FBXO25: variants seen among roughly 807,000 people sequenced by gnomAD.
FBXO25 encodes F-box only protein 25.
In FBXO25, 45 loss-of-function variants were observed where a neutral mutation model predicts 51.9. The observed-to-expected ratio is 0.87, with a 90% CI of 0.68 to 1.11. The LOEUF (loss-of-function observed/expected upper bound fraction) is 1.11, where lower values mean the gene tolerates loss of function less well. FBXO25 is among the 50% of genes most tolerant of loss of function. The pLI, the probability that FBXO25 is intolerant of heterozygous loss-of-function variation, is 0.00. For synonymous variants in FBXO25, 199 were observed against 151.0 expected, an observed-to-expected ratio of 1.32 and a Z score of -2.33; for missense variants, 507 against 428.5, an observed-to-expected ratio of 1.18 and a Z score of -1.62.
At chr8:446,494 C>T (rs932122519) in intron 5 of FBXO25, among the ~76,000 whole-genome samples, 1 of 152,164 alleles carries the variant, frequency 6.6e-6, no homozygotes, top group African/African-American at 2.4e-5. Context: ...TTGTGTGAAT[C>T]TGAATCGCAT....
chr8:408,389 A>G (rs1467634207), intron 1 of FBXO25, among the ~76,000 whole-genome samples: 3 of 152,148 alleles, frequency 2.0e-5, no homozygotes, highest in Non-Finnish European at 4.4e-5. Flanking sequence ...GTTTTCAGGA[A>G]CTGCTATTAT....
intron 2 of FBXO25, among the ~76,000 whole-genome samples, chr8:415,370 C>T (rs2117444563): frequency 6.6e-6 from 1 of 152,278 alleles, no homozygotes; most frequent in East Asian, 1.9e-4. Flanking sequence ...TGGGGGCAGC[C>T]AGCCAGTTCA....
chr8:407,408 G>C, intron 1 of FBXO25: 4 of 985,012 alleles, frequency 4.1e-6, no homozygotes, highest in Non-Finnish European at 4.8e-6. Flanking sequence ...GGCCGCGGGC[G>C]CGTCAGGTGG....
At chr8:409,909 C>T (rs540271267) in intron 1 of FBXO25, among the ~76,000 whole-genome samples, 54 of 152,258 alleles carry the variant, frequency 3.5e-4, no homozygotes, top group African/African-American at 1.3e-3. Context: ...GGCTTCTAGT[C>T]GCTTATGTAC....
chr8:431,536 A>G, intron 3 of FBXO25, 92 bp downstream of exon 3: 2 of 667,648 alleles, frequency 3.0e-6, no homozygotes, highest in Non-Finnish European at 4.9e-6. Context: ...ATAAAAGGTG[A>G]TACAAATATG....
chr8:466,771 C>T (rs75452338), intron 9 of FBXO25, among the ~76,000 whole-genome samples: 2,059 of 152,238 alleles, frequency 0.014, 34 homozygotes, highest in African/African-American at 0.047. Flanking sequence ...AACTTTTCTA[C>T]CTGCCTTAGT....
rs1800531103 is a variant in FBXO25 at position 473,029 on chromosome 8, G to T, written c.*4225G>T. 6.6e-6 allele frequency: 1 copy of T among 152,420 alleles called. No individual in the cohort carries two copies. Among genetic ancestry groups the T allele is most frequent in the African/African-American group, 2.4e-5 (1 of 41,468 alleles). The allele number at this position is 152,420 out of a possible 1,614,324, so 9.4% of individuals were successfully genotyped here. A position where few individuals can be genotyped will look rare whatever the true frequency, so the allele number is the denominator to read the frequency against. On this transcript the variant is annotated 3_prime_UTR_variant, in exon 10 of 10. Transcript: ENST00000350302. ...AGGAAAAAGAAGGACCTGCATACAT[G>T]ACTAACCAGCACCAGCCATTGGGGC...
Position 469,699 on chromosome 8 carries a change from C to G in FBXO25, c.*895C>G, listed in dbSNP as rs190578869. ...TTAGAAAATTAGAAAATCAGTCCCA[C>G]CACCCAAAGATTATTGTGCATGCTG... On this transcript the variant is annotated 3_prime_UTR_variant, in exon 10 of 10. Transcript: ENST00000350302. 90 of 152,278 alleles carry G rather than the reference C, an allele frequency of 5.9e-4. No individual in the cohort carries two copies. The highest frequency in any genetic ancestry group is 1.9e-3 in the African/African-American group (81 of 41,544). The allele number at this position is 152,278 out of a possible 1,614,324, so 9.4% of individuals were successfully genotyped here.
chr8:455,578 TG>T (rs1410764417), intron 7 of FBXO25, among the ~76,000 whole-genome samples: 3 of 152,166 alleles, frequency 2.0e-5, no homozygotes, highest in African/African-American at 7.2e-5. Flanking sequence ...TCTGTATCTC[TG>T]TTTTTTTTCT....
chr8:462,049 G>C (rs1288929116), intron 8 of FBXO25, among the ~76,000 whole-genome samples: 3 of 152,164 alleles, frequency 2.0e-5, no homozygotes, highest in Admixed American at 2.0e-4. Flanking sequence ...GGTGGATTCT[G>C]TTTAACTTTT....
At chr8:446,873 G>A (rs2116695766) in intron 5 of FBXO25, among the ~76,000 whole-genome samples, 1 of 152,254 alleles carries the variant, frequency 6.6e-6, no homozygotes, top group South Asian at 2.1e-4. Flanking sequence ...GTGACTTAGT[G>A]ATTTCTCATT....
At chr8:429,299 A>G (rs1797680200) in intron 2 of FBXO25, among the ~76,000 whole-genome samples, 1 of 152,024 alleles carries the variant, frequency 6.6e-6, no homozygotes, top group African/African-American at 2.4e-5. Context: ...ACAATTGGTG[A>G]TATGGAGCAT....
At position 475,489 on chromosome 8, in the gene FBXO25, A is replaced by C. The variant is rs1800614859; in HGVS notation, c.*6685A>C. ...AAGCCACTGGGATATTCTGATAGAG[A>C]TTGCATGAAATCTATAGATTGCTTT... On this transcript the variant is annotated 3_prime_UTR_variant, in exon 10 of 10. Coordinates refer to ENST00000350302, the MANE Select transcript of FBXO25 (RefSeq NM_183420.2). The C allele has an allele frequency of 6.6e-6, 1 of 152,616 alleles. No homozygotes were observed. The highest frequency in any genetic ancestry group is 2.4e-5 in the African/African-American group (1 of 41,326). 9.5% of individuals were successfully genotyped at this position (152,616 alleles called of 1,614,324 possible).
chr8:461,348 A>C (rs1799796777), intron 8 of FBXO25, among the ~76,000 whole-genome samples: 1 of 152,224 alleles, frequency 6.6e-6, no homozygotes, highest in African/African-American at 2.4e-5. Flanking sequence ...TAATGGACTC[A>C]CAGTTTGATG....
In FBXO25 at chr8:452,774, C is replaced by T. The variant is rs138489766; in HGVS notation, c.660+1321C>T. ...GTGGAGCCAGTGGAGAGATGTGCAC[C>T]GGTGGAGACAACAGCGAAGCTCCAA... On this transcript the variant is annotated intron_variant, in intron 7 of 9. Transcript: ENST00000350302. Among the ~76,000 whole-genome samples the T allele has an allele frequency of 2.6e-3, 403 of 152,244 alleles. 2 individuals are homozygous for T. Among genetic ancestry groups the T allele is most frequent in the African/African-American group, 9.1e-3 (380 of 41,542 alleles).
rs374817871 is a variant in FBXO25 at position 413,053 on chromosome 8, A to G, written c.-7-20A>G. 4.1e-6 allele frequency: 6 copies of G among 1,472,554 alleles called. No individual in the cohort carries two copies. In the African/African-American group the frequency reaches 5.8e-5, roughly 14 times the overall value. The allele number at this position is 1,472,554 out of a possible 1,614,324, so 91.2% of individuals were successfully genotyped here. A position where few individuals can be genotyped will look rare whatever the true frequency, so the allele number is the denominator to read the frequency against. ...TTATGAATTATATATACTTTTTAACATAATTTAACTTTTTCATAGGAGAAC... is the reference window on the plus strand; with the variant it reads ...TTATGAATTATATATACTTTTTAACGTAATTTAACTTTTTCATAGGAGAAC... On this transcript the variant is annotated intron_variant, in intron 1 of 9. Transcript: ENST00000350302.
Position 452,553 on chromosome 8 carries a change from G to A in FBXO25, c.660+1100G>A, listed in dbSNP as rs527362809. 5.9e-5 allele frequency among the ~76,000 whole-genome samples: 9 copies of A among 152,364 alleles called. No homozygotes were observed. In the East Asian group the frequency reaches 1.4e-3, roughly 23 times the overall value. On this transcript the variant is annotated intron_variant, in intron 7 of 9. Transcript: ENST00000350302. ...CCCTTTCTCCTGATGAGGCAGATCCGTGGTAGTGATGTTCAGCAGGTGACC... is the reference window on the plus strand; with the variant it reads ...CCCTTTCTCCTGATGAGGCAGATCCATGGTAGTGATGTTCAGCAGGTGACC...
chr8:407,494 C>T (rs1584985611), intron 1 of FBXO25: 1 of 952,060 alleles, frequency 1.1e-6, no homozygotes, highest in Non-Finnish European at 1.2e-6. Context: ...CGGGGGCCGC[C>T]CACAGGTGCA....
rs1157543794 is a variant in FBXO25, at chr8:469,600, C to T, written c.*796C>T. ...TAAACTTCATCAGTTTTGCATCCTA[C>T]TGAGAAATGTTAGTGATTTTGATAC... On this transcript the variant is annotated 3_prime_UTR_variant, in exon 10 of 10. Transcript: ENST00000350302. 6.6e-6 allele frequency: 1 copy of T among 152,206 alleles called. No individual in the cohort carries two copies. Among genetic ancestry groups the T allele is most frequent in the African/African-American group, 2.4e-5 (1 of 41,442 alleles). 9.4% of individuals were successfully genotyped at this position (152,206 alleles called of 1,614,324 possible).
Sources: gnomAD v4.1 joint callset for allele counts (sites outside exome capture counted in the v4.1 genomes callset) on GRCh38, gnomAD v4.1.1 for gene constraint, MANE v1.5 for transcripts, NCBI Gene and HGNC (gene_info 2026-07-23, HGNC 2026-07-21) for gene names.